QRICH1: variants seen among roughly 807,000 people sequenced by gnomAD.
QRICH1 encodes the protein transcriptional regulator QRICH1.
QRICH1 carries 16 observed loss-of-function variants against 87.1 expected under a neutral mutation model. The observed-to-expected ratio is 0.18, with a 90% CI of 0.12 to 0.28. The LOEUF (loss-of-function observed/expected upper bound fraction) is 0.28. QRICH1 is among the 10% of genes least tolerant of loss of function. The probability of loss-of-function intolerance (pLI) is 1.00; values close to 1 mark genes in which losing one functional copy is unlikely to be tolerated. For synonymous variants in QRICH1, 367 were observed against 368.4 expected (o/e 1.00, Z 0.05); for missense variants, 647 against 951.7 (o/e 0.68, Z 4.21).
intron 2 of QRICH1, among the ~76,000 whole-genome samples, chr3:49,076,256 C>T (rs1299554394): frequency 1.3e-5 from 2 of 152,226 alleles, no homozygotes; most frequent in African/African-American, 4.8e-5. Context: ...CAGTGTTGGT[C>T]AGCCTCGGAA....
intron 2 of QRICH1, among the ~76,000 whole-genome samples, chr3:49,071,361 TTA>T (rs1470474375): frequency 6.6e-6 from 1 of 152,152 alleles, no homozygotes; most frequent in Non-Finnish European, 1.5e-5. Flanking sequence ...CTCTTTAATC[TTA>T]TGAGAAAGCG....
chr3:49,043,003 A>T (rs951576362), intron 6 of QRICH1, among the ~76,000 whole-genome samples: 2 of 152,158 alleles, frequency 1.3e-5, no homozygotes, highest in Non-Finnish European at 1.5e-5. Flanking sequence ...ACAACACAAT[A>T]ATATAGTTCA....
chr3:49,067,520 ATAGC>A (rs2093475400), intron 2 of QRICH1, among the ~76,000 whole-genome samples: 1 of 152,076 alleles, frequency 6.6e-6, no homozygotes, highest in Non-Finnish European at 1.5e-5. Flanking sequence ...GTGAGCCGAG[ATAGC>A]ACCACTGCAC....
chr3:49,043,686 G>A (rs943117207), intron 6 of QRICH1, among the ~76,000 whole-genome samples: 2 of 151,948 alleles, frequency 1.3e-5, no homozygotes, highest in Admixed American at 1.3e-4. Context: ...AATTAGCAGG[G>A]CATGATGGCA....
At chr3:49,084,078 G>C (rs1344622262) in intron 1 of QRICH1, among the ~76,000 whole-genome samples, 3 of 152,036 alleles carry the variant, frequency 2.0e-5, no homozygotes, top group Non-Finnish European at 4.4e-5. Context: ...GGGATTACAG[G>C]TATGAGCCAC....
intron 2 of QRICH1, among the ~76,000 whole-genome samples, chr3:49,066,555 C>T (rs2093469444): frequency 6.6e-6 from 1 of 151,390 alleles, no homozygotes; most frequent in Non-Finnish European, 1.5e-5. Context: ...ACCTCCTCCT[C>T]CCGGGTTCAA....
At chr3:49,042,846 T>G (rs2093318502) in intron 6 of QRICH1, among the ~76,000 whole-genome samples, 2 of 152,148 alleles carry the variant, frequency 1.3e-5, no homozygotes, top group African/African-American at 4.8e-5. Context: ...GTGCTGGGAT[T>G]ACAGGTGTGA....
At chr3:49,088,353 G>A (rs954848942) in intron 1 of QRICH1, among the ~76,000 whole-genome samples, 2 of 151,990 alleles carry the variant, frequency 1.3e-5, no homozygotes, top group Non-Finnish European at 2.9e-5. Context: ...GGAGTGCAAT[G>A]GCATCATCTC....
chr3:49,054,216 C>CT (rs1292744730), intron 3 of QRICH1, among the ~76,000 whole-genome samples: 2 of 152,176 alleles, frequency 1.3e-5, no homozygotes, highest in African/African-American at 4.8e-5. Flanking sequence ...ACAGAGACCA[C>CT]TAAGTACCAA....
Position 49,030,388 on chromosome 3 carries a change from C to T in QRICH1, c.*64G>A, listed in dbSNP as rs2093227926. 2.0e-6 allele frequency: 3 copies of T among 1,495,354 alleles called. No individual in the cohort carries two copies. Among genetic ancestry groups the T allele is most frequent in the Non-Finnish European group, 2.7e-6 (3 of 1,092,768 alleles). The allele number at this position is 1,495,354 out of a possible 1,614,324, so 92.6% of individuals were successfully genotyped here. A position where few individuals can be genotyped will look rare whatever the true frequency, so the allele number is the denominator to read the frequency against. ...AGAAAAAAAAAAATGGAGGCCTCTT[C>T]TTTAGTGTGAAAGTCTGTCTGGTTT... On this transcript the variant is annotated 3_prime_UTR_variant, in exon 10 of 10. Coordinates refer to ENST00000395443, the MANE Select transcript of QRICH1 (RefSeq NM_198880.3).
At chr3:49,090,066 G>C (rs1237572068) in intron 1 of QRICH1, among the ~76,000 whole-genome samples, 3 of 152,216 alleles carry the variant, frequency 2.0e-5, no homozygotes, top group Non-Finnish European at 4.4e-5. Flanking sequence ...TGTAATCTCA[G>C]CACTTTGGGA....
At chr3:49,088,722 C>A (rs2042218364) in intron 1 of QRICH1, among the ~76,000 whole-genome samples, 1 of 150,594 alleles carries the variant, frequency 6.6e-6, no homozygotes, top group Non-Finnish European at 1.5e-5. Flanking sequence ...CACTCCTGGG[C>A]TCAAACAATC....
At chr3:49,078,816 C>T (rs887171175) in intron 1 of QRICH1, among the ~76,000 whole-genome samples, 27 of 150,918 alleles carry the variant, frequency 1.8e-4, no homozygotes, top group Non-Finnish European at 3.8e-4. Flanking sequence ...CTCAGCCTCC[C>T]GAGTAGCTGG....
chr3:49,069,543 ATTTTTTTT>A (rs372639913), intron 2 of QRICH1, among the ~76,000 whole-genome samples: 1 of 122,796 alleles, frequency 8.1e-6, no homozygotes, highest in Admixed American at 9.2e-5. Context: ...ATGGGGGGGA[ATTTTTTTT>A]TTTTTTTTTT....
intron 6 of QRICH1, among the ~76,000 whole-genome samples, chr3:49,043,863 A>T (rs2093325031): frequency 6.6e-6 from 1 of 152,080 alleles, no homozygotes; most frequent in Non-Finnish European, 1.5e-5. Flanking sequence ...AAAATAGCTG[A>T]GCACAGTAGC....
chr3:49,083,220 A>AAGGGG (rs1553748332), intron 1 of QRICH1: 1 of 86,982 alleles, frequency 1.1e-5, no homozygotes. Context: ...AAAAAAAAAA[A>AAGGGG]GGGGGGGGGG....
chr3:49,061,687 T>C (rs2093435906), intron 2 of QRICH1, among the ~76,000 whole-genome samples: 1 of 151,824 alleles, frequency 6.6e-6, no homozygotes, highest in African/African-American at 2.4e-5. Context: ...ACCCCGTCTC[T>C]ACTAAAAATA....
In QRICH1 at chr3:49,030,506, C is replaced by T. The variant is rs2093229208; in HGVS notation, c.2277G>A (p.Val759=). 2 of 1,613,982 alleles carry T rather than the reference C, an allele frequency of 1.2e-6. No homozygotes were observed. Among genetic ancestry groups the T allele is most frequent in the Non-Finnish European group, 1.7e-6 (2 of 1,180,036 alleles). Residue 759 remains valine, a synonymous_variant, in exon 10 of 10, where the codon GTG becomes GTA. Transcript: ENST00000395443. ...QMGQMLTRIL[V]IREIQEAIAV... is the part of the protein sequence containing the mutation. ...CGATGGCCTCCTGAATTTCTCTTAT[C>T]ACCAGGATCCGCGTCAGCATTTGTC... is the stretch of plus-strand genomic sequence containing the variant.
chr3:49,064,503 G>A (rs1384276293), intron 2 of QRICH1, among the ~76,000 whole-genome samples: 6 of 150,356 alleles, frequency 4.0e-5, no homozygotes, highest in Admixed American at 2.7e-4. Context: ...TCCACCTACC[G>A]CATCCTCCCA....
Sources: allele counts gnomAD v4.1 joint callset (sites outside exome capture counted in the v4.1 genomes callset), GRCh38; gene constraint gnomAD v4.1.1; transcripts MANE v1.5; gene names NCBI Gene and HGNC (gene_info 2026-07-23, HGNC 2026-07-21).